The following COL5A1 variants were observed in gnomAD, a reference collection of about 807,000 sequenced individuals.
The protein encoded by COL5A1 is collagen type V alpha 1 chain.
Under a neutral mutation model 263.7 loss-of-function variants are expected in COL5A1, and 16 were observed. The observed-to-expected ratio is 0.06, with a 90% confidence interval of 0.04 to 0.09. COL5A1 has a LOEUF of 0.09. COL5A1 is among the 10% of genes least tolerant of loss of function. The pLI, the probability that COL5A1 is intolerant of heterozygous loss-of-function variation, is 1.00. For missense variants in COL5A1, 2,036 were observed against 2,540.5 expected (o/e 0.80, Z 4.27); for synonymous variants, 1,012 against 1,004.5 (o/e 1.01, Z -0.14).
intron 4 of COL5A1, among the ~76,000 whole-genome samples, chr9:134,724,467 G>C (rs1021960896): frequency 6.6e-6 from 1 of 152,180 alleles, no homozygotes; most frequent in South Asian, 2.1e-4. Context: ...GTGTGCCTGC[G>C]GGCTGGGATT....
intron 1 of COL5A1, among the ~76,000 whole-genome samples, chr9:134,654,746 A>G (rs1181220923): frequency 1.1e-5 from 1 of 90,608 alleles, no homozygotes; most frequent in Non-Finnish European, 2.2e-5. Flanking sequence ...GGGTGTGTGT[A>G]GGGCTGGTGT....
At chr9:134,737,094 C>T (rs1266684092) in intron 9 of COL5A1, among the ~76,000 whole-genome samples, 1 of 152,250 alleles carries the variant, frequency 6.6e-6, no homozygotes, top group East Asian at 1.9e-4. Flanking sequence ...GGTGCCTCCA[C>T]TTCCATAGAT....
intron 1 of COL5A1, among the ~76,000 whole-genome samples, chr9:134,651,537 C>T (rs1831686640): frequency 6.6e-6 from 1 of 152,198 alleles, no homozygotes; most frequent in African/African-American, 2.4e-5. Context: ...TAAAAATGTA[C>T]ACCAGAGAGC....
rs920443207 is a variant in COL5A1 at position 134,772,957 on chromosome 9, C to T, written c.2331+123C>T. On this transcript the variant is annotated intron_variant, in intron 26 of 65. Transcript: ENST00000371817. ...AGGAAGGAGCCGGGGACACTCAGCC[C>T]TTCCTCAGGTGTCTCCGCCAAGGGA... The T allele has an allele frequency of 3.2e-5, 33 of 1,047,452 alleles. No individual in the cohort carries two copies. The East Asian group carries it at 7.3e-4, about 23-fold the overall frequency. 64.9% of individuals were successfully genotyped at this position (1,047,452 alleles called of 1,614,324 possible). A position where few individuals can be genotyped will look rare whatever the true frequency, so the allele number is the denominator to read the frequency against.
chr9:134,728,732 C>G lies in COL5A1; in HGVS notation c.849C>G (p.Pro283=). 1 of 1,614,158 alleles carries G rather than the reference C, an allele frequency of 6.2e-7. No homozygotes were observed. The highest frequency in any genetic ancestry group is 1.1e-5 in the South Asian group (1 of 91,086). The change falls in exon 6 of 66, where the codon CCC becomes CCG. Residue 283 remains proline, a synonymous_variant. Coordinates refer to ENST00000371817, the MANE Select transcript of COL5A1 (RefSeq NM_000093.5). ...ACGAATACCCCTACTACGAAGACCC[C>G]GAAGACCTAGGGAAGGAGCCCACCC... ...YYYEYPYYED[P]EDLGKEPTPS...
chr9:134,666,992 A>G (rs79162479), intron 1 of COL5A1, among the ~76,000 whole-genome samples: 1 of 152,170 alleles, frequency 6.6e-6, no homozygotes, highest in Non-Finnish European at 1.5e-5. Flanking sequence ...ACACATAACC[A>G]TTTTTTGATT....
intron 58 of COL5A1, among the ~76,000 whole-genome samples, chr9:134,820,521 G>C (rs1838951090): frequency 1.3e-5 from 2 of 152,204 alleles, no homozygotes; most frequent in Non-Finnish European, 2.9e-5. Context: ...ATTCTGCCTG[G>C]TTCCCAGCCC....
chr9:134,743,246 C>T (rs1835359697), intron 11 of COL5A1, among the ~76,000 whole-genome samples: 1 of 152,188 alleles, frequency 6.6e-6, no homozygotes. Context: ...TTGCATTTTT[C>T]AGGATGCTGT....
Position 134,757,629 on chromosome 9 carries a change from A to T in COL5A1, c.1882-614A>T, listed in dbSNP as rs945564600. ...GCAGTCTTGTTGACTCTGTCTCAGA[A>T]GACCATGGTCTTCTTTCAACAACAT... On this transcript the variant is annotated intron_variant, in intron 17 of 65. Transcript: ENST00000371817. The surrounding 1 kb of genome is among the most constrained non-coding windows in gnomAD (Gnocchi z 6.2). Among the ~76,000 whole-genome samples, 1 of 152,192 alleles carries T rather than the reference A, an allele frequency of 6.6e-6. No homozygotes were observed. The highest frequency in any genetic ancestry group is 2.4e-5 in the African/African-American group (1 of 41,440).
chr9:134,827,523 C>T (rs945916451), intron 63 of COL5A1, among the ~76,000 whole-genome samples: 8 of 152,280 alleles, frequency 5.3e-5, no homozygotes, highest in Non-Finnish European at 1.2e-4. Context: ...GTTTCTCGGC[C>T]CTCCTTCGCG....
intron 1 of COL5A1, among the ~76,000 whole-genome samples, chr9:134,679,626 CGGGGCTTCTT>C (rs1832789915): frequency 5.4e-4 from 18 of 33,102 alleles, no homozygotes; most frequent in African/African-American, 1.7e-3. Context: ...GGGGGCACTG[CGGGGCTTCTT>C]AGGGGGCACT....
In COL5A1 at chr9:134,842,520, C is replaced by A; in HGVS notation, c.*217C>A. On this transcript the variant is annotated 3_prime_UTR_variant, in exon 66 of 66. Coordinates refer to ENST00000371817, the MANE Select transcript of COL5A1 (RefSeq NM_000093.5). This position sits in a 1 kb window ranked among gnomAD's most constrained non-coding sequence, Gnocchi z 5.8. ...CCCCACCTGGAGCTGAATCACATGA[C>A]CTAGCTGCACCCCAGCGCCTGGGCC... 1.6e-6 allele frequency: 1 copy of A among 624,732 alleles called. No individual in the cohort carries two copies. The highest frequency in any genetic ancestry group is 2.8e-6 in the Non-Finnish European group (1 of 354,780). The allele number at this position is 624,732 out of a possible 1,614,324, so 38.7% of individuals were successfully genotyped here. A position where few individuals can be genotyped will look rare whatever the true frequency, so the allele number is the denominator to read the frequency against.
At chr9:134,728,872 A>G in intron 6 of COL5A1, 65 bp downstream of exon 6, 2 of 1,599,954 alleles carry the variant, frequency 1.3e-6, no homozygotes, top group Admixed American at 3.3e-5. Context: ...GGGGAGGGCG[A>G]GGCCAGGAGA....
intron 4 of COL5A1, among the ~76,000 whole-genome samples, chr9:134,725,389 T>A (rs1201316896): frequency 6.6e-6 from 1 of 152,228 alleles, no homozygotes; most frequent in Admixed American, 6.5e-5. Context: ...GTGGTAAACA[T>A]GATCTAATTC....
At chr9:134,669,496 A>G (rs1157798588) in intron 1 of COL5A1, among the ~76,000 whole-genome samples, 1 of 151,768 alleles carries the variant, frequency 6.6e-6, no homozygotes, top group Non-Finnish European at 1.5e-5. Flanking sequence ...GTGGTTTACG[A>G]CCATCTCAGA....
intron 9 of COL5A1, among the ~76,000 whole-genome samples, chr9:134,738,163 G>T (rs575250144): frequency 1.7e-4 from 26 of 152,306 alleles, no homozygotes; most frequent in Admixed American, 1.2e-3. Context: ...GATGCAGGGA[G>T]CCTGGCGGTC....
rs754747824 is a variant in COL5A1 at position 134,728,712 on chromosome 9, TACCCCTACTACGAAG to T, written c.835_849del (p.Tyr279_Pro283del). Reference sequence around the variant, plus strand: ...CGAGGGTGAGACCTATTACTACGAATACCCCTACTACGAAGACCCCGAAGACCTAGGGAAGGAGCC... The same window carrying T: ...CGAGGGTGAGACCTATTACTACGAATACCCCGAAGACCTAGGGAAGGAGCC... On this transcript the variant is annotated inframe_deletion, in exon 6 of 66. Transcript: ENST00000371817. The T allele has an allele frequency of 1.9e-6, 3 of 1,614,012 alleles. No homozygotes were observed. Among genetic ancestry groups the T allele is most frequent in the Non-Finnish European group, 2.5e-6 (3 of 1,180,040 alleles).
chr9:134,644,587 C>T (rs1415343755), intron 1 of COL5A1, among the ~76,000 whole-genome samples: 3 of 79,090 alleles, frequency 3.8e-5, no homozygotes, highest in East Asian at 2.2e-4. Flanking sequence ...GAGAGGCAGG[C>T]GCGGGGGGGA....
At position 134,818,260 on chromosome 9, in the gene COL5A1, G is replaced by A. The variant is rs887002553; in HGVS notation, c.4231-396G>A. ...ACGCCGTCACCCATGCAGTTGGCTTGGGGCCTGGCCCAGAGCACACGGGAG... is the reference window on the plus strand; with the variant it reads ...ACGCCGTCACCCATGCAGTTGGCTTAGGGCCTGGCCCAGAGCACACGGGAG... On this transcript the variant is annotated intron_variant, in intron 54 of 65. Transcript: ENST00000371817. The surrounding 1 kb of genome is among the most constrained non-coding windows in gnomAD (Gnocchi z 6.0). Among the ~76,000 whole-genome samples the A allele has an allele frequency of 3.3e-5, 5 of 152,226 alleles. No individual in the cohort carries two copies. The highest frequency in any genetic ancestry group is 1.2e-4 in the African/African-American group (5 of 41,464).
Sources: allele counts gnomAD v4.1 joint callset (sites outside exome capture counted in the v4.1 genomes callset), GRCh38; gene constraint gnomAD v4.1.1; non-coding constraint Gnocchi (gnomAD v3.1); transcripts MANE v1.5; gene names NCBI Gene and HGNC (gene_info 2026-07-23, HGNC 2026-07-21).